The following ADAMTS17 variants were observed in gnomAD, a reference collection of about 807,000 sequenced individuals.
The protein encoded by ADAMTS17 is ADAM metallopeptidase with thrombospondin type 1 motif 17, also known as A disintegrin and metalloproteinase with thrombospondin motifs 17.
ADAMTS17 carries 113 observed loss-of-function variants against 141.5 expected under a neutral mutation model. The ratio of observed to expected loss-of-function variants is 0.80; its 90% CI spans 0.69 to 0.93. The LOEUF (loss-of-function observed/expected upper bound fraction) is 0.93. Among genes scored for constraint, ADAMTS17 ranks in the 40% least tolerant of loss-of-function variants. The probability of loss-of-function intolerance (pLI) is 0.00; values close to 1 mark genes in which losing one functional copy is unlikely to be tolerated. For synonymous variants in ADAMTS17, 768 were observed against 630.6 expected, an observed-to-expected ratio of 1.22 and a Z score of -3.27; for missense variants, 1,659 against 1,517.9, an observed-to-expected ratio of 1.09 and a Z score of -1.54.
chr15:100,195,656 C>A (rs1596246574), intron 8 of ADAMTS17, among the ~76,000 whole-genome samples: 1 of 137,538 alleles, frequency 7.3e-6, no homozygotes, highest in African/African-American at 2.7e-5. Flanking sequence ...AATCTCATCT[C>A]AAAAAAAAAA....
intron 15 of ADAMTS17, among the ~76,000 whole-genome samples, chr15:100,065,959 A>T (rs2033490615): frequency 1.3e-5 from 2 of 152,152 alleles, no homozygotes. Flanking sequence ...CCCACTTATG[A>T]GTGAGAACAT....
chr15:99,990,767 G>C lies in ADAMTS17; in HGVS notation c.2949+2281C>G, dbSNP rs368019720. ...GAAAACCCATTTTTCCTTCCGTAAA[G>C]CACAGGCAGAAGCAAAATTACCTGC... On this transcript the variant is annotated intron_variant, in intron 20 of 21. Coordinates refer to ENST00000268070, the MANE Select transcript of ADAMTS17 (RefSeq NM_139057.4). 2.5e-4 allele frequency among the ~76,000 whole-genome samples: 38 copies of C among 152,012 alleles called. No homozygotes were observed. In the South Asian group the frequency reaches 7.9e-3, roughly 32 times the overall value.
chr15:100,064,402 T>C (rs944772016), intron 15 of ADAMTS17, among the ~76,000 whole-genome samples: 1 of 152,150 alleles, frequency 6.6e-6, no homozygotes, highest in African/African-American at 2.4e-5. Context: ...ACGGAAACCA[T>C]AGCAAAAGAA....
At chr15:100,148,521 C>CA (rs1567256227) in intron 10 of ADAMTS17, among the ~76,000 whole-genome samples, 4 of 144,784 alleles carry the variant, frequency 2.8e-5, no homozygotes, top group Non-Finnish European at 6.1e-5. Context: ...GGCTGACAGC[C>CA]TTTTTTTTTT....
chr15:99,976,053 G>T lies in ADAMTS17; in HGVS notation c.3119C>A (p.Pro1040His), dbSNP rs1462108167. Residue 1040 changes from proline (P) to histidine (H), a missense_variant, in exon 21 of 22, where the codon CCC (proline) becomes CAC (histidine). By Grantham distance (77) the Pro-to-His change is moderately conservative (BLOSUM62 -2). Coordinates refer to ENST00000268070, the MANE Select transcript of ADAMTS17 (RefSeq NM_139057.4). ...CCAGTGAAGACACTCACCAAGGCGG[G>T]GGGAGGTGATGGTGTTGGCGTTGAT... is the stretch of plus-strand genomic sequence containing the variant. ...DRINANTITSPRLAALTYKCT... is the reference protein window; with the variant it reads ...DRINANTITSHRLAALTYKCT... 2.6e-6 allele frequency: 4 copies of T among 1,550,786 alleles called. No individual in the cohort carries two copies. Among genetic ancestry groups the T allele is most frequent in the Non-Finnish European group, 3.5e-6 (4 of 1,146,416 alleles).
intron 8 of ADAMTS17, among the ~76,000 whole-genome samples, chr15:100,185,214 C>T (rs548753970): frequency 5.4e-4 from 83 of 152,300 alleles, no homozygotes; most frequent in Non-Finnish European, 1.0e-3. Context: ...GCCTCAGTTT[C>T]CCTACCTGTA....
chr15:100,257,886 T>C (rs1341648161), intron 6 of ADAMTS17, among the ~76,000 whole-genome samples: 1 of 152,084 alleles, frequency 6.6e-6, no homozygotes, highest in Non-Finnish European at 1.5e-5. Context: ...ACACCGAAAC[T>C]CTGTACCCAT....
At chr15:100,156,740 CTGTGAAAGA>C (rs2039454418) in intron 8 of ADAMTS17, among the ~76,000 whole-genome samples, 1 of 152,162 alleles carries the variant, frequency 6.6e-6, no homozygotes, top group Admixed American at 6.5e-5. Flanking sequence ...GGCAAGACAA[CTGTGAAAGA>C]TGAATAAATC....
Position 99,971,590 on chromosome 15 carries a change from A to C in ADAMTS17, c.*2812T>G, listed in dbSNP as rs946753220. ...CCCCAAAAAGTAAAACAAAAATTCC[A>C]TGGGTACAGTATGTAATGCAAGTTA... is the stretch of plus-strand genomic sequence containing the variant. On this transcript the variant is annotated 3_prime_UTR_variant, in exon 22 of 22. Transcript: ENST00000268070. 3 of 152,162 alleles carry C rather than the reference A, an allele frequency of 2.0e-5. No homozygotes were observed. Among genetic ancestry groups the C allele is most frequent in the Non-Finnish European group, 4.4e-5 (3 of 68,030 alleles). The allele number at this position is 152,162 out of a possible 1,614,324, so 9.4% of individuals were successfully genotyped here.
At chr15:100,228,551 G>C (rs2042379450) in intron 7 of ADAMTS17, among the ~76,000 whole-genome samples, 1 of 152,226 alleles carries the variant, frequency 6.6e-6, no homozygotes, top group African/African-American at 2.4e-5. Context: ...TCGAGGGTGA[G>C]AGTGAGCAGG....
intron 14 of ADAMTS17, among the ~76,000 whole-genome samples, chr15:100,097,547 G>A (rs529397786): frequency 2.2e-4 from 33 of 152,354 alleles, no homozygotes; most frequent in African/African-American, 5.5e-4. Flanking sequence ...GGCTGCACGC[G>A]CATCCCTGGA....
intron 7 of ADAMTS17, among the ~76,000 whole-genome samples, chr15:100,218,606 C>T (rs1013660077): frequency 6.6e-6 from 1 of 152,170 alleles, no homozygotes; most frequent in African/African-American, 2.4e-5. Flanking sequence ...ACAGAATCTT[C>T]CTACACTGCT....
At chr15:100,202,568 A>G (rs1156446893) in intron 7 of ADAMTS17, among the ~76,000 whole-genome samples, 1 of 152,096 alleles carries the variant, frequency 6.6e-6, no homozygotes, top group African/African-American at 2.4e-5. Flanking sequence ...GTAAAATAAG[A>G]GCTGTGGGGG....
chr15:99,974,746 G>A (rs1272977483), intron 21 of ADAMTS17, among the ~76,000 whole-genome samples, 184 bp from the exon 22 acceptor site: 1 of 152,220 alleles, frequency 6.6e-6, no homozygotes, highest in Admixed American at 6.5e-5. Context: ...TCTGTCACAG[G>A]GATGCACCTT....
At chr15:99,986,427 C>G (rs1044344807) in intron 20 of ADAMTS17, among the ~76,000 whole-genome samples, 1 of 152,140 alleles carries the variant, frequency 6.6e-6, no homozygotes, top group Admixed American at 6.6e-5. Flanking sequence ...GCACACAGAT[C>G]CTTGAACATG....
In ADAMTS17 at chr15:100,041,201, G is replaced by A. The variant is rs998299712; in HGVS notation, c.2591+7656C>T. On this transcript the variant is annotated intron_variant, in intron 18 of 21. Transcript: ENST00000268070. ...GAGAACACATTTAAAAACCAAATAC[G>A]CTTCCTTGCAAATGACTATTCAATT... 1.4e-4 allele frequency among the ~76,000 whole-genome samples: 21 copies of A among 152,146 alleles called. 1 individual carries two copies. Among genetic ancestry groups the A allele is most frequent in the Admixed American group, 7.2e-4 (11 of 15,278 alleles).
rs114924217 is a variant in ADAMTS17 at position 100,066,677 on chromosome 15, C to A, written c.2138-12623G>T. ...TTAACACTTGAAATACATTTTTCCA[C>A]TGTCTTCCCTTATGATACAGAGAAG... On this transcript the variant is annotated intron_variant, in intron 15 of 21. Coordinates refer to ENST00000268070, the MANE Select transcript of ADAMTS17 (RefSeq NM_139057.4). Among the ~76,000 whole-genome samples the A allele has an allele frequency of 7.3e-3, 1,109 of 152,326 alleles. 13 individuals are homozygous for A. The highest frequency in any genetic ancestry group is 0.026 in the African/African-American group (1,060 of 41,560).
intron 10 of ADAMTS17, among the ~76,000 whole-genome samples, chr15:100,144,691 T>C (rs564976924): frequency 2.8e-4 from 43 of 152,194 alleles, no homozygotes; most frequent in African/African-American, 1.0e-3. Flanking sequence ...GTATAATCTC[T>C]TTCCTATCCT....
intron 4 of ADAMTS17, among the ~76,000 whole-genome samples, chr15:100,271,353 A>G (rs1401908433): frequency 6.6e-6 from 1 of 152,178 alleles, no homozygotes; most frequent in Non-Finnish European, 1.5e-5. Context: ...ATAATGTACA[A>G]AATTTCCCAT....
Sources: gnomAD v4.1 joint callset for allele counts (sites outside exome capture counted in the v4.1 genomes callset) on GRCh38, gnomAD v4.1.1 for gene constraint, MANE v1.5 for transcripts, NCBI Gene and HGNC (gene_info 2026-07-23, HGNC 2026-07-21) for gene names.